The following KIAA1217 variants were observed in gnomAD, a reference collection of about 807,000 sequenced individuals.
The protein encoded by KIAA1217 is sickle tail protein homolog.
A neutral mutation model predicts 163.9 loss-of-function variants in KIAA1217; 88 were observed. The ratio of observed to expected loss-of-function variants is 0.54; its 90% CI spans 0.45 to 0.64. The LOEUF is 0.64. KIAA1217 is among the 30% of genes least tolerant of loss of function. The pLI is 0.00. For synonymous variants in KIAA1217, 903 were observed against 923.1 expected, an observed-to-expected ratio of 0.98 and a Z score of 0.39; for missense variants, 2,372 against 2,475.0, an observed-to-expected ratio of 0.96 and a Z score of 0.88.
chr10:23,788,126 A>T (rs1451289863), intron 1 of KIAA1217, among the ~76,000 whole-genome samples: 1 of 152,108 alleles, frequency 6.6e-6, no homozygotes, highest in African/African-American at 2.4e-5. Context: ...TGAGCCTGGG[A>T]GTTTGAGGCT....
At chr10:24,070,947 C>A (rs1039819163) in intron 2 of KIAA1217, among the ~76,000 whole-genome samples, 1 of 151,766 alleles carries the variant, frequency 6.6e-6, no homozygotes, top group African/African-American at 2.4e-5. Context: ...GACTTTGTAC[C>A]CTTGTTAATA....
chr10:23,827,871 C>A (rs570316177), intron 1 of KIAA1217, among the ~76,000 whole-genome samples: 6 of 152,150 alleles, frequency 3.9e-5, no homozygotes, highest in African/African-American at 1.4e-4. Flanking sequence ...GAAAGGGTGA[C>A]TTCCCCTGGG....
At chr10:24,003,402 C>T (rs1846842069) in intron 1 of KIAA1217, among the ~76,000 whole-genome samples, 1 of 152,128 alleles carries the variant, frequency 6.6e-6, no homozygotes, top group South Asian at 2.1e-4. Flanking sequence ...TTGCATTTCA[C>T]TGATAATTAG....
rs150413016 is a variant in KIAA1217, at chr10:23,728,940, C to T, written c.-321+33706C>T. ...AGCTTCGCTGCCCTAGAATATCCTC[C>T]GTGCTGCATCTATTCACCCCTTCCC... On this transcript the variant is annotated intron_variant, in intron 1 of 18. Coordinates refer to the KIAA1217 transcript ENST00000376462. Among the ~76,000 whole-genome samples, 133 of 152,296 alleles carry T rather than the reference C, an allele frequency of 8.7e-4. 2 individuals carry two copies. The highest frequency in any genetic ancestry group is 3.5e-3 in the Admixed American group (54 of 15,296).
chr10:24,450,433 C>G (rs1564701534), intron 5 of KIAA1217, among the ~76,000 whole-genome samples: 1 of 152,184 alleles, frequency 6.6e-6, no homozygotes, highest in Non-Finnish European at 1.5e-5. Context: ...AAGTCTTTGA[C>G]AGAAATCTTG....
intron 2 of KIAA1217, among the ~76,000 whole-genome samples, chr10:24,340,114 G>A (rs932702519): frequency 3.3e-5 from 5 of 152,332 alleles, no homozygotes; most frequent in African/African-American, 1.2e-4. Flanking sequence ...TAGGAGAATG[G>A]CTAGACTGAC....
At chr10:24,177,463 G>T (rs2065966009) in intron 2 of KIAA1217, among the ~76,000 whole-genome samples, 1 of 150,408 alleles carries the variant, frequency 6.6e-6, no homozygotes, top group Non-Finnish European at 1.5e-5. Flanking sequence ...TGTGAATTGT[G>T]TTGCTATAAA....
chr10:23,957,649 G>A (rs1444574307), intron 1 of KIAA1217, among the ~76,000 whole-genome samples: 1 of 152,126 alleles, frequency 6.6e-6, no homozygotes, highest in Non-Finnish European at 1.5e-5. Flanking sequence ...TTGAACCTGG[G>A]AGGTGGAGGT....
At chr10:23,864,883 A>T (rs1840115428) in intron 1 of KIAA1217, among the ~76,000 whole-genome samples, 1 of 152,146 alleles carries the variant, frequency 6.6e-6, no homozygotes, top group Admixed American at 6.5e-5. Flanking sequence ...CTGGAGGTAG[A>T]ATTCCTTCTG....
rs2073172978 is a variant in KIAA1217 at position 24,531,841 on chromosome 10, A to G, written c.3094A>G (p.Asn1032Asp). 6.3e-7 allele frequency: 1 copy of G among 1,590,478 alleles called. No homozygotes were observed. The highest frequency in any genetic ancestry group is 8.6e-7 in the Non-Finnish European group (1 of 1,168,268). ...GCACTGTTTTCCAGAAGATTCTCCA[A>G]ATTCGGAACAGGACTTGGAAAAGCT... is the stretch of plus-strand genomic sequence containing the variant. Reference protein sequence around the residue: ...DKVELSEDSPNSEQDLEKLGG... With the variant: ...DKVELSEDSPDSEQDLEKLGG... Residue 1032 changes from asparagine to aspartate, a missense_variant, in exon 15 of 21, where the codon AAT becomes GAT. Physicochemically the swap from Asn to Asp is conservative, Grantham distance 23. Around this residue, in one of 3 missense-constraint regions of KIAA1217, gnomAD observed 1,431 missense variants for 1,470.3 expected, o/e 0.97. Transcript: ENST00000376454.
chr10:24,266,967 G>T lies in KIAA1217; in HGVS notation c.354+47058G>T, dbSNP rs548627594. ...GAAGGTCCGCAGCTTCATTCTTGAA[G>T]TCAGCGAGACCACGAACCCACCAGA... On this transcript the variant is annotated intron_variant, in intron 2 of 20. Transcript: ENST00000376454. Among the ~76,000 whole-genome samples, 15 of 152,276 alleles carry T rather than the reference G, an allele frequency of 9.9e-5. No individual in the cohort carries two copies. In the South Asian group the frequency reaches 3.1e-3, roughly 32 times the overall value.
At chr10:24,521,661 ATG>A in intron 11 of KIAA1217, 119 bp from the exon 12 acceptor site, 1 of 1,187,714 alleles carries the variant, frequency 8.4e-7, no homozygotes, top group Non-Finnish European at 1.2e-6. Flanking sequence ...CCACCTGAAG[ATG>A]TGTGAGCCAC....
intron 2 of KIAA1217, among the ~76,000 whole-genome samples, chr10:24,293,947 A>G (rs549044547): frequency 3.9e-4 from 60 of 152,202 alleles, no homozygotes; most frequent in African/African-American, 1.4e-3. Flanking sequence ...GAATCCCAGC[A>G]CTTTGGGAGG....
chr10:23,863,053 T>C (rs1387517374), intron 1 of KIAA1217, among the ~76,000 whole-genome samples: 1 of 152,186 alleles, frequency 6.6e-6, no homozygotes, highest in Non-Finnish European at 1.5e-5. Context: ...TTCTGAAATT[T>C]TCTTCATCTG....
In KIAA1217 at chr10:23,818,003, A is replaced by G. The variant is rs1209283272; in HGVS notation, c.-321+122769A>G. Among the ~76,000 whole-genome samples, 9 of 127,418 alleles carry G rather than the reference A, an allele frequency of 7.1e-5. 1 individual carries two copies. In the Admixed American group the frequency reaches 7.4e-4, roughly 10 times the overall value. 83.6% of individuals were successfully genotyped at this position (127,418 alleles called of 152,430 possible). A position where few individuals can be genotyped will look rare whatever the true frequency, so the allele number is the denominator to read the frequency against. ...TATATATATATATATATATATATAT[A>G]TATATACACACATATATATACACAC... On this transcript the variant is annotated intron_variant, in intron 1 of 18. Transcript: ENST00000376462.
intron 2 of KIAA1217, among the ~76,000 whole-genome samples, chr10:24,345,120 A>G (rs1360776441): frequency 6.6e-6 from 1 of 152,182 alleles, no homozygotes; most frequent in Non-Finnish European, 1.5e-5. Context: ...GCTTTTTTCA[A>G]TCCAACTAAT....
intron 1 of KIAA1217, among the ~76,000 whole-genome samples, chr10:23,951,070 T>G (rs1181251277): frequency 6.6e-6 from 1 of 152,092 alleles, no homozygotes; most frequent in African/African-American, 2.4e-5. Flanking sequence ...AACAGGATAT[T>G]ATCGTTTGGT....
intron 2 of KIAA1217, among the ~76,000 whole-genome samples, chr10:24,308,645 A>G (rs1381650920): frequency 2.0e-5 from 3 of 152,202 alleles, no homozygotes; most frequent in Admixed American, 2.0e-4. Flanking sequence ...GTGCGTATCC[A>G]TCATAAACAT....
intron 3 of KIAA1217, among the ~76,000 whole-genome samples, chr10:24,419,779 A>G (rs965886085): frequency 7.9e-5 from 12 of 152,102 alleles, no homozygotes; most frequent in Non-Finnish European, 1.3e-4. Context: ...TGTAACTACC[A>G]TGCACATTTT....
Sources: gnomAD v4.1 joint callset for allele counts (sites outside exome capture counted in the v4.1 genomes callset) on GRCh38, gnomAD v4.1.1 for gene constraint, gnomAD v4.1.1 regional missense constraint, MANE v1.5 for transcripts, NCBI Gene and HGNC (gene_info 2026-07-23, HGNC 2026-07-21) for gene names.